Variants in DSTN observed in about 807,000 individuals in gnomAD.
The protein encoded by DSTN is destrin, actin depolymerizing factor.
Under a neutral mutation model 16.8 loss-of-function variants are expected in DSTN, and 10 were observed. The ratio of observed to expected loss-of-function variants is 0.60; its 90% CI spans 0.37 to 1.01. The LOEUF (loss-of-function observed/expected upper bound fraction) is 1.01. DSTN is among the 50% of genes least tolerant of loss of function. The pLI, the probability that DSTN is intolerant of heterozygous loss-of-function variation, is 0.01. For synonymous variants in DSTN, 57 were observed against 58.9 expected (o/e 0.97, Z 0.14); for missense variants, 141 against 196.7 (o/e 0.72, Z 1.69).
intron 1 of DSTN, among the ~76,000 whole-genome samples, chr20:17,577,521 C>G (rs187493225): frequency 6.6e-6 from 1 of 151,530 alleles, no homozygotes; most frequent in Admixed American, 6.6e-5. Context: ...GAACCGAGAT[C>G]ACGCCACTGC....
At chr20:17,597,261 T>C (rs748199959) in intron 1 of DSTN, among the ~76,000 whole-genome samples, 1 of 152,222 alleles carries the variant, frequency 6.6e-6, no homozygotes, top group Non-Finnish European at 1.5e-5. Context: ...AGTCCTAATT[T>C]TCTGTTTCTG....
In DSTN at chr20:17,570,111, C is replaced by T; in HGVS notation, c.-98C>T. 1.3e-6 allele frequency: 2 copies of T among 1,494,890 alleles called. No homozygotes were observed. The highest frequency in any genetic ancestry group is 1.8e-6 in the Non-Finnish European group (2 of 1,124,924). 92.6% of individuals were successfully genotyped at this position (1,494,890 alleles called of 1,614,324 possible). A position where few individuals can be genotyped will look rare whatever the true frequency, so the allele number is the denominator to read the frequency against. ...AGCTCGCGCCGCCGCGTCAGCTCAG[C>T]GCTGGGTCTCTCGGTCCCGCAGCCG... On this transcript the variant is annotated 5_prime_UTR_variant, in exon 1 of 4. Coordinates refer to ENST00000246069, the MANE Select transcript of DSTN (RefSeq NM_006870.4).
intron 2 of DSTN, among the ~76,000 whole-genome samples, chr20:17,602,540 G>A (rs1327938711): frequency 6.6e-6 from 1 of 152,160 alleles, no homozygotes; most frequent in African/African-American, 2.4e-5. Flanking sequence ...AGGAAATTTA[G>A]TGTTAGTGCA....
chr20:17,575,102 C>T (rs1049615966), intron 1 of DSTN, among the ~76,000 whole-genome samples: 3 of 151,986 alleles, frequency 2.0e-5, no homozygotes, highest in Non-Finnish European at 4.4e-5. Flanking sequence ...GCTTTGGCCT[C>T]CCAAAGTGTT....
chr20:17,580,679 C>T (rs1038390358), intron 1 of DSTN, among the ~76,000 whole-genome samples: 3 of 150,570 alleles, frequency 2.0e-5, no homozygotes, highest in South Asian at 2.1e-4. Context: ...ACCCGGGAGG[C>T]GGAGGTTGCA....
chr20:17,573,584 G>A (rs2035232428), intron 1 of DSTN, among the ~76,000 whole-genome samples: 1 of 152,094 alleles, frequency 6.6e-6, no homozygotes, highest in South Asian at 2.1e-4. Flanking sequence ...GGAAGCCCTG[G>A]ATTGGAGCAT....
At chr20:17,581,182 AT>A (rs1033502141) in intron 1 of DSTN, among the ~76,000 whole-genome samples, 3 of 152,134 alleles carry the variant, frequency 2.0e-5, no homozygotes, top group African/African-American at 7.2e-5. Flanking sequence ...ACAAAGACCA[AT>A]TAAGAAACTA....
chr20:17,570,609 C>G (rs1040389442), intron 1 of DSTN, among the ~76,000 whole-genome samples: 2 of 151,532 alleles, frequency 1.3e-5, no homozygotes, highest in Non-Finnish European at 2.9e-5. Context: ...GGAATCCGGC[C>G]ACCGTCCTTG....
At chr20:17,583,313 C>T (rs540691942) in intron 1 of DSTN, among the ~76,000 whole-genome samples, 147 of 57,062 alleles carry the variant, frequency 2.6e-3, no homozygotes, top group African/African-American at 1.0e-2. Context: ...TGGGAGCTAC[C>T]GTATGACTCA....
intron 1 of DSTN, among the ~76,000 whole-genome samples, chr20:17,575,122 G>A (rs1399063937): frequency 6.6e-6 from 1 of 151,812 alleles, no homozygotes. Context: ...TGGGATTACA[G>A]GCATGAGCCA....
intron 1 of DSTN, among the ~76,000 whole-genome samples, chr20:17,571,947 T>C (rs1257417593): frequency 6.6e-6 from 1 of 152,208 alleles, no homozygotes; most frequent in African/African-American, 2.4e-5. Flanking sequence ...TACAAGTTAC[T>C]CTTAGAGTTC....
Position 17,606,437 on chromosome 20 carries a change from C to G in DSTN, c.389-600C>G, listed in dbSNP as rs180989920. On this transcript the variant is annotated intron_variant, in intron 3 of 3. Coordinates refer to ENST00000246069, the MANE Select transcript of DSTN (RefSeq NM_006870.4). The stretch of plus-strand genomic sequence containing the variant: ...TGTGTAGTGTAATACCATTGAAGAG[C>G]CAGCTGTTTACTTTTCAATACAGTT... 2.0e-5 allele frequency among the ~76,000 whole-genome samples: 3 copies of G among 152,272 alleles called. No homozygotes were observed. The East Asian group carries it at 5.8e-4, about 29-fold the overall frequency.
At chr20:17,592,105 T>C (rs2035476208) in intron 1 of DSTN, 4 of 985,324 alleles carry the variant, frequency 4.1e-6, no homozygotes, top group Non-Finnish European at 4.8e-6. Flanking sequence ...GGTTTTAGTT[T>C]TACTGTATAA....
intron 1 of DSTN, among the ~76,000 whole-genome samples, chr20:17,571,560 TAAC>T (rs948441673): frequency 7.2e-5 from 11 of 152,360 alleles, no homozygotes; most frequent in Non-Finnish European, 1.6e-4. Context: ...AGAAATTTAA[TAAC>T]ATTTTAAATG....
intron 1 of DSTN, chr20:17,592,089 C>T: frequency 1.0e-6 from 1 of 985,344 alleles, no homozygotes; most frequent in Non-Finnish European, 1.2e-6. Context: ...TTTCTGTCTG[C>T]CTCATGGTTT....
At chr20:17,578,887 G>A (rs1411644458) in intron 1 of DSTN, among the ~76,000 whole-genome samples, 2 of 150,486 alleles carry the variant, frequency 1.3e-5, no homozygotes, top group African/African-American at 4.9e-5. Context: ...CTTGGACTTG[G>A]GAGGTGCAGG....
At chr20:17,589,104 C>G (rs902632440) in intron 1 of DSTN, among the ~76,000 whole-genome samples, 2 of 152,130 alleles carry the variant, frequency 1.3e-5, no homozygotes, top group Admixed American at 1.3e-4. Context: ...CATATTTCTT[C>G]TCTTCTTGTC....
In DSTN at chr20:17,595,756, G is replaced by A. The variant is rs778493338; in HGVS notation, c.4-4982G>A. ...TAAGATGCAAATAGTGATAGTAGCT[G>A]TCTCATAGAATTGTTGTGATTTAGA... On this transcript the variant is annotated intron_variant, in intron 1 of 3. Coordinates refer to ENST00000246069, the MANE Select transcript of DSTN (RefSeq NM_006870.4). 3.6e-4 allele frequency among the ~76,000 whole-genome samples: 55 copies of A among 152,198 alleles called. 2 individuals carry two copies. The highest frequency in any genetic ancestry group is 6.8e-3 in the Middle Eastern group (2 of 294).
At chr20:17,572,576 T>G (rs1276276207) in intron 1 of DSTN, among the ~76,000 whole-genome samples, 4 of 152,312 alleles carry the variant, frequency 2.6e-5, no homozygotes, top group Admixed American at 2.0e-4. Context: ...ACCCTTAACC[T>G]TATCCTAATC....
Sources: gnomAD v4.1 joint callset for allele counts (sites outside exome capture counted in the v4.1 genomes callset) on GRCh38, gnomAD v4.1.1 for gene constraint, MANE v1.5 for transcripts, NCBI Gene and HGNC (gene_info 2026-07-23, HGNC 2026-07-21) for gene names.